Variants in NPHS1 observed in about 807,000 individuals in gnomAD.
The protein encoded by NPHS1 is nephrin.
NPHS1 carries 107 observed loss-of-function variants against 139.7 expected under a neutral mutation model. The observed-to-expected ratio is 0.77, with a 90% CI of 0.66 to 0.90. The LOEUF is 0.90. Among genes scored for constraint, NPHS1 ranks in the 40% least tolerant of loss-of-function variants. The probability of loss-of-function intolerance (pLI) is 0.00; values close to 1 mark genes in which losing one functional copy is unlikely to be tolerated. For missense variants in NPHS1, 1,580 were observed against 1,654.2 expected, an observed-to-expected ratio of 0.96 and a Z score of 0.78; for synonymous variants, 707 against 706.6, an observed-to-expected ratio of 1.00 and a Z score of -0.01.
At chr19:35,850,123 C>T (rs994784084) in intron 5 of NPHS1, among the ~76,000 whole-genome samples, 4 of 152,142 alleles carry the variant, frequency 2.6e-5, no homozygotes, top group African/African-American at 9.7e-5. Flanking sequence ...ACCATGTTGA[C>T]CCAGCTGATC....
chr19:35,840,152 C>A (rs1051403657), intron 20 of NPHS1, among the ~76,000 whole-genome samples: 12 of 150,748 alleles, frequency 8.0e-5, no homozygotes, highest in African/African-American at 2.9e-4. Context: ...TACAGGTGCC[C>A]GCCACCATGC....
At chr19:35,830,016 C>T (rs10424506) in intron 28 of NPHS1, among the ~76,000 whole-genome samples, 14,284 of 152,200 alleles carry the variant, frequency 0.094, 712 homozygotes, top group African/African-American at 0.13. Flanking sequence ...GGCCTGATGA[C>T]AATTGTATGC....
At chr19:35,849,396 G>A (rs1274722190) in intron 6 of NPHS1, 33 bp from the exon 7 acceptor site, 3 of 1,605,474 alleles carry the variant, frequency 1.9e-6, no homozygotes, top group East Asian at 2.2e-5. Flanking sequence ...TGGGCCTGGA[G>A]TAGCCCATCC....
intron 28 of NPHS1, among the ~76,000 whole-genome samples, chr19:35,829,976 T>C (rs1972854258): frequency 6.6e-6 from 1 of 152,036 alleles, no homozygotes; most frequent in South Asian, 2.1e-4. Flanking sequence ...CATAAAAACA[T>C]TTTTAGGGAA....
intron 28 of NPHS1, among the ~76,000 whole-genome samples, chr19:35,827,908 C>T (rs1166717502): frequency 9.2e-5 from 14 of 152,004 alleles, no homozygotes; most frequent in Non-Finnish European, 4.4e-5. Context: ...CAGAGCAAGC[C>T]TCCATCTCAA....
At chr19:35,844,289 G>A in intron 15 of NPHS1, 30 bp downstream of exon 15, 2 of 1,613,870 alleles carry the variant, frequency 1.2e-6, no homozygotes, top group South Asian at 1.1e-5. Flanking sequence ...TCCCATCCCC[G>A]GGACCCCTCC....
intron 28 of NPHS1, among the ~76,000 whole-genome samples, chr19:35,827,286 G>A (rs557242987): frequency 2.6e-5 from 4 of 151,842 alleles, no homozygotes; most frequent in Non-Finnish European, 4.4e-5. Context: ...CCACTGCACC[G>A]AGCCTATAAA....
chr19:35,847,266 C>G (rs906545593), intron 11 of NPHS1, among the ~76,000 whole-genome samples: 1 of 150,064 alleles, frequency 6.7e-6, no homozygotes, highest in African/African-American at 2.5e-5. Context: ...AGGATGGTCT[C>G]GATCTCCTCA....
At position 35,826,491 on chromosome 19, in the gene NPHS1, G is replaced by A. The variant is rs1972801812; in HGVS notation, c.*23C>T. On this transcript the variant is annotated 3_prime_UTR_variant, in exon 29 of 29. Coordinates refer to ENST00000378910, the MANE Select transcript of NPHS1 (RefSeq NM_004646.4). ...TGGAGTGTAAATTCCTGCAGGTGCA[G>A]GACAATGGGGTTGAGAGGGCTCTTA... 1.9e-6 allele frequency: 3 copies of A among 1,613,018 alleles called. No homozygotes were observed. The South Asian group carries it at 3.3e-5, about 18-fold the overall frequency.
rs1257680200 is a variant in NPHS1 at position 35,835,763 on chromosome 19, TG to T, written c.3110-3del. On this transcript the variant is annotated splice_region_variant and splice_polypyrimidine_tract_variant and intron_variant, in intron 22 of 28. Coordinates refer to ENST00000378910, the MANE Select transcript of NPHS1 (RefSeq NM_004646.4). ...GTTCTCCAGAAGGCTGGTGGAGACCTGGGGGGTGGATATACAGATTGTGACT... is the reference window on the plus strand; with the variant it reads ...GTTCTCCAGAAGGCTGGTGGAGACCTGGGGGTGGATATACAGATTGTGACT... 3 of 1,613,198 alleles carry T rather than the reference TG, an allele frequency of 1.9e-6. No homozygotes were observed. The highest frequency in any genetic ancestry group is 2.7e-5 in the African/African-American group (2 of 74,926).
intron 5 of NPHS1, among the ~76,000 whole-genome samples, 170 bp downstream of exon 5, chr19:35,850,194 G>C (rs1428234429): frequency 1.3e-5 from 2 of 152,194 alleles, no homozygotes; most frequent in African/African-American, 4.8e-5. Context: ...GGGATTACAG[G>C]CATGAGCCAC....
intron 3 of NPHS1, 27 bp from the exon 4 acceptor site, chr19:35,851,116 C>T (rs1268864518): frequency 6.2e-7 from 1 of 1,614,060 alleles, no homozygotes; most frequent in South Asian, 1.1e-5. Flanking sequence ...CTGGGGTAAG[C>T]TTCCAGCACT....
intron 11 of NPHS1, among the ~76,000 whole-genome samples, chr19:35,847,441 G>A (rs999073654): frequency 1.4e-5 from 2 of 147,448 alleles, no homozygotes; most frequent in African/African-American, 5.1e-5. Context: ...CACAACCTGG[G>A]CCTCCCGGAT....
At chr19:35,831,238 G>A in intron 26 of NPHS1, 58 bp downstream of exon 26, 1 of 1,607,850 alleles carries the variant, frequency 6.2e-7, no homozygotes, top group East Asian at 2.2e-5. Flanking sequence ...GCTAACGGCA[G>A]GGCTTCAGTC....
At chr19:35,831,560 A>C (rs1237420047) in intron 24 of NPHS1, 60 bp from the exon 25 acceptor site, 13 of 1,560,730 alleles carry the variant, frequency 8.3e-6, no homozygotes, top group Non-Finnish European at 1.1e-5. Flanking sequence ...CCCCGGCCCC[A>C]GGAAGACCTT....
Position 35,846,213 on chromosome 19 carries a change from T to C in NPHS1, c.1441-19A>G. ...GCGAGTCCTACGGGCCGGGAGTGAC[T>C]GGGGTTCGCAGGCAGCCCTGCCGCT... is the stretch of plus-strand genomic sequence containing the variant. On this transcript the variant is annotated intron_variant, in intron 11 of 28. Coordinates refer to ENST00000378910, the MANE Select transcript of NPHS1 (RefSeq NM_004646.4). 6.4e-7 allele frequency: 1 copy of C among 1,567,898 alleles called. No homozygotes were observed. The highest frequency in any genetic ancestry group is 1.2e-5 in the South Asian group (1 of 85,796).
rs141962470 is a variant in NPHS1, at chr19:35,848,113, C to A, written c.1368G>T (p.Arg456=). The part of the protein sequence containing the change: ...IEGPPEGQKL[R]AGTRVRLVCL... ...ACACCAGCCTCACCCGGGTCCCAGC[C>A]CGGAGCTTCTGGCCCTCTGGGGGAC... is the stretch of plus-strand genomic sequence containing the variant. The change falls in exon 11 of 29, where the codon CGG becomes CGT. Residue 456 remains arginine, a synonymous_variant. Coordinates refer to ENST00000378910, the MANE Select transcript of NPHS1 (RefSeq NM_004646.4). 1 of 1,614,064 alleles carries A rather than the reference C, an allele frequency of 6.2e-7. No individual in the cohort carries two copies. The highest frequency in any genetic ancestry group is 1.7e-5 in the Admixed American group (1 of 60,020).
At chr19:35,826,778 T>A in intron 28 of NPHS1, 133 bp from the exon 29 acceptor site, 2 of 942,980 alleles carry the variant, frequency 2.1e-6, no homozygotes, top group Admixed American at 1.9e-5. Flanking sequence ...TCCCAACATA[T>A]ACAAAAAAGG....
intron 11 of NPHS1, among the ~76,000 whole-genome samples, chr19:35,846,569 C>T (rs1012342628): frequency 6.6e-6 from 1 of 152,226 alleles, no homozygotes; most frequent in Non-Finnish European, 1.5e-5. Context: ...CCTTGAAATT[C>T]CCAGGCCTTT....
Sources: allele counts gnomAD v4.1 joint callset (sites outside exome capture counted in the v4.1 genomes callset), GRCh38; gene constraint gnomAD v4.1.1; transcripts MANE v1.5; gene names NCBI Gene and HGNC (gene_info 2026-07-23, HGNC 2026-07-21).